TCF20: variants seen among roughly 807,000 people sequenced by gnomAD.
TCF20 encodes transcription factor 20.
TCF20 carries 3 observed loss-of-function variants against 148.6 expected under a neutral mutation model. The observed-to-expected ratio is 0.02, with a 90% CI of 0.01 to 0.05. The LOEUF is 0.05. TCF20 is among the 10% of genes least tolerant of loss of function. TCF20 has a pLI of 1.00. For missense variants in TCF20, 2,350 were observed against 2,429.3 expected (o/e 0.97, Z 0.69); for synonymous variants, 1,049 against 909.5 (o/e 1.15, Z -2.76).
At chr22:42,222,297 A>C (rs1205607405) in intron 1 of TCF20, among the ~76,000 whole-genome samples, 2 of 151,904 alleles carry the variant, frequency 1.3e-5, no homozygotes, top group Non-Finnish European at 2.9e-5. Flanking sequence ...GAATAACCCC[A>C]AACTGACCTT....
intron 2 of TCF20, among the ~76,000 whole-genome samples, chr22:42,182,154 C>T (rs1939835224): frequency 6.6e-6 from 1 of 152,176 alleles, no homozygotes; most frequent in Admixed American, 6.5e-5. Context: ...AACTTGGGTG[C>T]TGCTGTAGAA....
At chr22:42,198,861 C>A (rs1937775922) in intron 2 of TCF20, among the ~76,000 whole-genome samples, 1 of 152,080 alleles carries the variant, frequency 6.6e-6, no homozygotes, top group African/African-American at 2.4e-5. Context: ...GACAGGGTTT[C>A]ACTGTGTTGG....
At chr22:42,242,747 G>T (rs1250739375) in intron 1 of TCF20, among the ~76,000 whole-genome samples, 1 of 151,834 alleles carries the variant, frequency 6.6e-6, no homozygotes, top group African/African-American at 2.4e-5. Flanking sequence ...CTTGGCCAAG[G>T]GTGGTGGTGG....
intron 1 of TCF20, among the ~76,000 whole-genome samples, chr22:42,303,317 G>A (rs1927371504): frequency 6.6e-6 from 1 of 152,250 alleles, no homozygotes. Context: ...GAGGAGCTGA[G>A]GGGTATCCAC....
At chr22:42,191,734 G>A (rs1184710797) in intron 2 of TCF20, among the ~76,000 whole-genome samples, 2 of 152,198 alleles carry the variant, frequency 1.3e-5, no homozygotes, top group African/African-American at 4.8e-5. Context: ...GTTAAAAGGA[G>A]CTTGTGCCCT....
intron 2 of TCF20, among the ~76,000 whole-genome samples, chr22:42,191,188 A>T (rs534007555): frequency 1.3e-5 from 2 of 152,324 alleles, no homozygotes; most frequent in Admixed American, 6.5e-5. Flanking sequence ...GTTTGTTATA[A>T]TGTTAATATG....
chr22:42,267,865 C>G (rs5751258), intron 1 of TCF20, among the ~76,000 whole-genome samples: 27,613 of 151,634 alleles, frequency 0.18, 2,739 homozygotes, highest in East Asian at 0.34. Context: ...AGTGATCTAG[C>G]CCAGGCGCAG....
chr22:42,338,160 G>C lies in TCF20; in HGVS notation c.-37+5319C>G, dbSNP rs569051145. 1.3e-5 allele frequency among the ~76,000 whole-genome samples: 2 copies of C among 152,346 alleles called. No individual in the cohort carries two copies. The highest frequency in any genetic ancestry group is 4.1e-4 in the South Asian group (2 of 4,830). ...GCCTCGGTCTCCACGCGTCCCCTGA[G>C]ATCCCCCACCGCCCTGGATGTTCAC... is the stretch of plus-strand genomic sequence containing the variant. On this transcript the variant is annotated intron_variant, in intron 1 of 1. Coordinates refer to the TCF20 transcript ENST00000515426. This position sits in a 1 kb window ranked among gnomAD's most constrained non-coding sequence, Gnocchi z 4.0.
At chr22:42,341,429 A>G (rs1928166585) in intron 1 of TCF20, among the ~76,000 whole-genome samples, 1 of 152,000 alleles carries the variant, frequency 6.6e-6, no homozygotes, top group Non-Finnish European at 1.5e-5. Context: ...CAGGACAGGG[A>G]GGGACCCTCT....
intron 2 of TCF20, among the ~76,000 whole-genome samples, chr22:42,185,409 A>T (rs1210523408): frequency 6.6e-6 from 1 of 152,196 alleles, no homozygotes; most frequent in Non-Finnish European, 1.5e-5. Flanking sequence ...ATGTCTGACA[A>T]ACTTGAGAGC....
chr22:42,239,433 G>A (rs1183032180), intron 1 of TCF20, among the ~76,000 whole-genome samples: 5 of 145,848 alleles, frequency 3.4e-5, no homozygotes, highest in Middle Eastern at 3.9e-3. Context: ...CCAAAATCAC[G>A]CCATTGCACT....
At chr22:42,273,734 A>G (rs1926706107), upstream of TCF20, among the ~76,000 whole-genome samples, 2 of 152,140 alleles carry the variant, frequency 1.3e-5, no homozygotes, top group Non-Finnish European at 2.9e-5. Flanking sequence ...GAACTGAATC[A>G]GTGTATCAAT....
intron 1 of TCF20, among the ~76,000 whole-genome samples, chr22:42,291,883 G>GCCCTACCCACA (rs1050718957): frequency 2.0e-5 from 3 of 151,960 alleles, no homozygotes; most frequent in Non-Finnish European, 4.4e-5. Context: ...AGGGGGTGGG[G>GCCCTACCCACA]CCCTACCCAA....
chr22:42,219,353 C>T (rs10428044), intron 1 of TCF20, among the ~76,000 whole-genome samples: 1 of 17,052 alleles, frequency 5.9e-5, no homozygotes, highest in Non-Finnish European at 9.5e-5. Flanking sequence ...GTAACCCTGT[C>T]TCAAAAAAAA....
intron 1 of TCF20, among the ~76,000 whole-genome samples, chr22:42,222,494 C>G (rs865858544): frequency 8.5e-5 from 13 of 152,140 alleles, no homozygotes; most frequent in Non-Finnish European, 1.8e-4. Flanking sequence ...TCACACCCCC[C>G]CATAGGCCCT....
At chr22:42,187,159 G>A (rs1937083942) in intron 2 of TCF20, among the ~76,000 whole-genome samples, 1 of 152,086 alleles carries the variant, frequency 6.6e-6, no homozygotes, top group South Asian at 2.1e-4. Flanking sequence ...GCTGCCATGT[G>A]GATCTTAGGT....
In TCF20 at chr22:42,215,149, T is replaced by C; in HGVS notation, c.157A>G (p.Ser53Gly). ...CCTCGTCGTCCACCACCACTGCCAC[T>C]GCCACTGCTGCCACTACTGCCACCT... is the stretch of plus-strand genomic sequence containing the variant. ...GTGGSSGSSG[S>G]GSGGGRRGAA... The change falls in exon 2 of 6, where the codon AGT (serine) becomes GGT (glycine). Residue 53 changes from serine to glycine, a missense_variant. By Grantham distance (56) the Ser-to-Gly change is moderately conservative. Around this residue, in one of 7 missense-constraint regions of TCF20, gnomAD observed 1,641 missense variants for 1,662.6 expected, o/e 0.99. Coordinates refer to ENST00000677622, the MANE Select transcript of TCF20 (RefSeq NM_001378418.1). 1 of 1,614,046 alleles carries C rather than the reference T, an allele frequency of 6.2e-7. No individual in the cohort carries two copies. The highest frequency in any genetic ancestry group is 8.5e-7 in the Non-Finnish European group (1 of 1,179,980).
intron 1 of TCF20, among the ~76,000 whole-genome samples, chr22:42,262,802 C>A (rs1926098791): frequency 6.6e-6 from 1 of 152,146 alleles, no homozygotes; most frequent in South Asian, 2.1e-4. Flanking sequence ...GGGTTATACA[C>A]CTGGTACAGC....
intron 1 of TCF20, among the ~76,000 whole-genome samples, chr22:42,242,226 A>AG (rs1924495229): frequency 1.4e-5 from 2 of 140,974 alleles, no homozygotes; most frequent in Non-Finnish European, 3.1e-5. Flanking sequence ...AAAAAAAAAA[A>AG]ACAGAAAAGA....
Sources: allele counts gnomAD v4.1 joint callset (sites outside exome capture counted in the v4.1 genomes callset), GRCh38; gene constraint gnomAD v4.1.1; regional missense constraint gnomAD v4.1.1; non-coding constraint Gnocchi (gnomAD v3.1); transcripts MANE v1.5; gene names NCBI Gene and HGNC (gene_info 2026-07-23, HGNC 2026-07-21).